Variants in CHMP3 observed in about 807,000 individuals in gnomAD.
CHMP3 encodes charged multivesicular body protein 3, also known as 25.1 protein.
A neutral mutation model predicts 27.4 loss-of-function variants in CHMP3; 8 were observed. The ratio of observed to expected loss-of-function variants is 0.29; its 90% confidence interval spans 0.17 to 0.53. The LOEUF (loss-of-function observed/expected upper bound fraction) is 0.53, where lower values mean the gene tolerates loss of function less well. Among genes scored for constraint, CHMP3 ranks in the 20% least tolerant of loss-of-function variants. The pLI is 0.96. For missense variants in CHMP3, 208 were observed against 271.5 expected (o/e 0.77, Z 1.64); for synonymous variants, 86 against 85.5 (o/e 1.01, Z -0.03).
intron 3 of CHMP3, among the ~76,000 whole-genome samples, chr2:86,514,662 T>C (rs1675227759): frequency 6.6e-6 from 1 of 152,224 alleles, no homozygotes; most frequent in Admixed American, 6.5e-5. Context: ...AAATAGGTGC[T>C]GAATGAATAA....
intron 2 of CHMP3, among the ~76,000 whole-genome samples, chr2:86,534,625 CAT>C (rs1224786012): frequency 6.6e-6 from 1 of 152,160 alleles, no homozygotes; most frequent in Non-Finnish European, 1.5e-5. Context: ...ACTTTTGCTG[CAT>C]ATGTTTTGAC....
chr2:86,555,147 C>T (rs538865801), intron 1 of CHMP3, among the ~76,000 whole-genome samples: 2 of 152,040 alleles, frequency 1.3e-5, no homozygotes, highest in South Asian at 4.1e-4. Context: ...CGCTCCCGGC[C>T]TTAGAACTAA....
chr2:86,535,212 G>A (rs1676079754), intron 2 of CHMP3, among the ~76,000 whole-genome samples: 2 of 146,490 alleles, frequency 1.4e-5, no homozygotes, highest in African/African-American at 2.5e-5. Flanking sequence ...GCTGTGTCAC[G>A]ACGCTGCACT....
intron 3 of CHMP3, among the ~76,000 whole-genome samples, chr2:86,516,169 A>G (rs1358138123): frequency 6.6e-6 from 1 of 151,514 alleles, no homozygotes; most frequent in South Asian, 2.1e-4. Flanking sequence ...AAAAAAGAAA[A>G]AAAAATTTAT....
At chr2:86,563,222 G>T (rs759442769) in intron 1 of CHMP3, 82 bp downstream of exon 1, 3 of 1,528,988 alleles carry the variant, frequency 2.0e-6, no homozygotes, top group Admixed American at 3.6e-5. Context: ...AGGCGGTGGG[G>T]AGAAGAGTGT....
intron 3 of CHMP3, among the ~76,000 whole-genome samples, chr2:86,523,097 T>C (rs1248529448): frequency 1.3e-5 from 2 of 152,238 alleles, no homozygotes; most frequent in African/African-American, 4.8e-5. Context: ...ATTGCTCTCC[T>C]AACAGCTGTA....
In CHMP3 at chr2:86,553,289, C is replaced by T. The variant is rs193248280; in HGVS notation, c.45+10015G>A. On this transcript the variant is annotated intron_variant, in intron 1 of 5. Coordinates refer to ENST00000263856, the MANE Select transcript of CHMP3 (RefSeq NM_016079.4). ...CAAAACAAATGCTCTATTTTACAAA[C>T]GAGTCTTTATTCTTACAATGCTATA... Among the ~76,000 whole-genome samples the T allele has an allele frequency of 4.0e-5, 6 of 151,334 alleles. No homozygotes were observed. In the South Asian group the frequency reaches 8.4e-4, roughly 21 times the overall value.
At chr2:86,515,332 CTTTT>C (rs960331342) in intron 3 of CHMP3, 2 of 151,740 alleles carry the variant, frequency 1.3e-5, no homozygotes, top group Admixed American at 6.6e-5. Context: ...TTCTTTCTTT[CTTTT>C]TCTTTTGAGA....
chr2:86,534,137 T>C (rs1248990691), intron 2 of CHMP3, among the ~76,000 whole-genome samples: 2 of 151,728 alleles, frequency 1.3e-5, no homozygotes, highest in East Asian at 1.9e-4. Context: ...GTGAGAAGAA[T>C]GTGTAGTTTG....
At position 86,563,088 on chromosome 2, in the gene CHMP3, G is replaced by A. The variant is rs1308021717; in HGVS notation, c.45+216C>T. ...TGGAGAAACTCTTCATCCACCCTCG[G>A]CTACCTGTTCGAGAGCCATGGCACC... On this transcript the variant is annotated intron_variant, in intron 1 of 5. Coordinates refer to ENST00000263856, the MANE Select transcript of CHMP3 (RefSeq NM_016079.4). 7 of 533,116 alleles carry A rather than the reference G, an allele frequency of 1.3e-5. No individual in the cohort carries two copies. The South Asian group carries it at 1.4e-4, about 11-fold the overall frequency. 33.0% of individuals were successfully genotyped at this position (533,116 alleles called of 1,614,324 possible).
intron 2 of CHMP3, among the ~76,000 whole-genome samples, chr2:86,533,703 C>T (rs1038172748): frequency 2.0e-5 from 3 of 152,144 alleles, no homozygotes; most frequent in African/African-American, 7.2e-5. Context: ...CAGGGTTTCG[C>T]CATGTTGCCT....
intron 1 of CHMP3, among the ~76,000 whole-genome samples, chr2:86,553,557 C>T (rs1340890807): frequency 1.3e-5 from 2 of 152,146 alleles, no homozygotes; most frequent in Non-Finnish European, 2.9e-5. Context: ...ATCTCAATCT[C>T]CCGACCTCAT....
intron 3 of CHMP3, among the ~76,000 whole-genome samples, chr2:86,519,265 T>C (rs1254034904): frequency 2.0e-4 from 31 of 151,610 alleles, no homozygotes; most frequent in Non-Finnish European, 2.1e-4. Flanking sequence ...TCCCAGCTAC[T>C]TGGGAGGCTG....
At chr2:86,509,001 G>A (rs1674990153) in intron 4 of CHMP3, among the ~76,000 whole-genome samples, 1 of 152,126 alleles carries the variant, frequency 6.6e-6, no homozygotes, top group South Asian at 2.1e-4. Flanking sequence ...AATCAGCAAC[G>A]ATTCATCAAA....
At chr2:86,548,179 CTT>C (rs55949258) in intron 1 of CHMP3, among the ~76,000 whole-genome samples, 2,579 of 116,004 alleles carry the variant, frequency 0.022, 65 homozygotes, top group African/African-American at 0.069. Flanking sequence ...GAGGAGTTCT[CTT>C]TTTTTTTTTT....
At chr2:86,506,266 C>A (rs531265248) in intron 5 of CHMP3, among the ~76,000 whole-genome samples, 2 of 152,292 alleles carry the variant, frequency 1.3e-5, no homozygotes, top group African/African-American at 4.8e-5. Context: ...AAAATATTTT[C>A]TTGGAGTAAC....
Position 86,550,352 on chromosome 2 carries a change from G to A in CHMP3, c.46-8040C>T, listed in dbSNP as rs952033166. On this transcript the variant is annotated intron_variant, in intron 1 of 5. Coordinates refer to ENST00000263856, the MANE Select transcript of CHMP3 (RefSeq NM_016079.4). ...GACCACGGCAGTACAGTCCAGCCTC[G>A]GCAACAGAGGGAGACGGAGACGGAG... 5.3e-5 allele frequency among the ~76,000 whole-genome samples: 8 copies of A among 151,960 alleles called. No individual in the cohort carries two copies. The East Asian group carries it at 5.8e-4, about 11-fold the overall frequency.
At chr2:86,507,718 A>T in intron 4 of CHMP3, 125 bp from the exon 5 acceptor site, 1 of 755,106 alleles carries the variant, frequency 1.3e-6, no homozygotes, top group Non-Finnish European at 2.2e-6. Context: ...GACACACGAG[A>T]CAGCTGGCCA....
intron 3 of CHMP3, among the ~76,000 whole-genome samples, chr2:86,522,820 A>C (rs76929183): frequency 0.02 from 2,978 of 152,296 alleles, 113 homozygotes; most frequent in African/African-American, 0.068. Flanking sequence ...TGTCTACAGA[A>C]TAATTTAAAT....
Sources: allele counts gnomAD v4.1 joint callset (sites outside exome capture counted in the v4.1 genomes callset), GRCh38; gene constraint gnomAD v4.1.1; transcripts MANE v1.5; gene names NCBI Gene and HGNC (gene_info 2026-07-23, HGNC 2026-07-21).